Variants in UBR2 observed in about 807,000 individuals in gnomAD.
UBR2 encodes ubiquitin protein ligase E3 component n-recognin 2.
A neutral mutation model predicts 247.9 loss-of-function variants in UBR2; 92 were observed. The ratio of observed to expected loss-of-function variants is 0.37; its 90% CI spans 0.31 to 0.44. The LOEUF (loss-of-function observed/expected upper bound fraction) is 0.44, where lower values mean the gene tolerates loss of function less well. UBR2 is among the 20% of genes least tolerant of loss of function. The probability of loss-of-function intolerance (pLI) is 1.00; values close to 1 mark genes in which losing one functional copy is unlikely to be tolerated. For missense variants in UBR2, 1,613 were observed against 2,112.6 expected, an observed-to-expected ratio of 0.76 and a Z score of 4.64; for synonymous variants, 672 against 693.5, an observed-to-expected ratio of 0.97 and a Z score of 0.49.
chr6:42,682,952 G>T, intron 42 of UBR2, 103 bp from the exon 43 acceptor site: 1 of 935,148 alleles, frequency 1.1e-6, no homozygotes, highest in Non-Finnish European at 1.6e-6. Context: ...AATATGTTAG[G>T]TCAAGAATAT....
At position 42,640,864 on chromosome 6, in the gene UBR2, G is replaced by C. The variant is rs143665167; in HGVS notation, c.1920+594G>C. ...CCTGCCTCAGCCTCCCAAGAAGCTG[G>C]AATACAGGTGCCTGCCACCACTCCC... On this transcript the variant is annotated intron_variant, in intron 16 of 46. Transcript: ENST00000372901. Among the ~76,000 whole-genome samples the C allele has an allele frequency of 6.1e-4, 92 of 151,844 alleles. 1 individual carries two copies. The East Asian group carries it at 0.017, about 28-fold the overall frequency.
At chr6:42,582,374 C>G (rs1268403658) in intron 2 of UBR2, among the ~76,000 whole-genome samples, 2 of 149,834 alleles carry the variant, frequency 1.3e-5, no homozygotes, top group East Asian at 3.9e-4. Context: ...TGTAATAATA[C>G]AGTGAATACT....
intron 7 of UBR2, 109 bp from the exon 8 acceptor site, chr6:42,612,062 T>C (rs1794126616): frequency 1.0e-6 from 1 of 1,004,884 alleles, no homozygotes; most frequent in African/African-American, 1.7e-5. Flanking sequence ...CATGAAAAAG[T>C]CTCCTATGAT....
Position 42,689,434 on chromosome 6 carries a change from C to T in UBR2, c.5025-135C>T. On this transcript the variant is annotated intron_variant, in intron 45 of 46. Coordinates refer to ENST00000372901, the MANE Select transcript of UBR2 (RefSeq NM_001363705.2). This position sits in a 1 kb window ranked among gnomAD's most constrained non-coding sequence, Gnocchi z 4.0. ...TTCAACCTATTTCCTAGTTTGTGCA[C>T]AATTTTTTAATGGATAACTTCCTCC... is the stretch of plus-strand genomic sequence containing the variant. 1.1e-6 allele frequency: 1 copy of T among 888,716 alleles called. No homozygotes were observed. 55.1% of individuals were successfully genotyped at this position (888,716 alleles called of 1,614,324 possible).
At chr6:42,666,053 G>T in intron 33 of UBR2, 114 bp from the exon 34 acceptor site, 2 of 833,696 alleles carry the variant, frequency 2.4e-6, no homozygotes, top group South Asian at 4.3e-5. Flanking sequence ...TGTTATGCCA[G>T]TTTTTATTAG....
intron 4 of UBR2, among the ~76,000 whole-genome samples, chr6:42,601,031 G>A (rs1407834187): frequency 6.6e-6 from 1 of 152,166 alleles, no homozygotes; most frequent in Non-Finnish European, 1.5e-5. Context: ...TTGTAAAATA[G>A]AGTTTGGAAA....
intron 4 of UBR2, among the ~76,000 whole-genome samples, chr6:42,597,102 G>A (rs536358652): frequency 6.6e-6 from 1 of 152,068 alleles, no homozygotes; most frequent in Non-Finnish European, 1.5e-5. Flanking sequence ...GCCTACATTT[G>A]CTCTGTTGGC....
chr6:42,664,662 G>T (rs565375595), intron 32 of UBR2, among the ~76,000 whole-genome samples: 1 of 152,166 alleles, frequency 6.6e-6, no homozygotes, highest in Non-Finnish European at 1.5e-5. Flanking sequence ...AAAGAATATC[G>T]TGGTACTGAC....
At chr6:42,623,007 T>C (rs1195610900) in intron 11 of UBR2, among the ~76,000 whole-genome samples, 2 of 152,134 alleles carry the variant, frequency 1.3e-5, no homozygotes, top group East Asian at 1.9e-4. Context: ...TACATAATCA[T>C]ATCACTTGTC....
chr6:42,624,793 G>T (rs1795231192), intron 11 of UBR2, among the ~76,000 whole-genome samples: 1 of 152,136 alleles, frequency 6.6e-6, no homozygotes, highest in Admixed American at 6.5e-5. Flanking sequence ...TCTCAAAAAG[G>T]CCACTCTTAG....
intron 38 of UBR2, among the ~76,000 whole-genome samples, chr6:42,674,490 G>C (rs1379664687): frequency 6.6e-6 from 1 of 152,144 alleles, no homozygotes; most frequent in African/African-American, 2.4e-5. Flanking sequence ...CGGGTCAGGT[G>C]TGGTGACTCA....
At position 42,676,885 on chromosome 6, in the gene UBR2, A is replaced by G. The variant is rs2038261; in HGVS notation, c.4478+12A>G. On this transcript the variant is annotated intron_variant, in intron 40 of 46. Transcript: ENST00000372901. ...CAGTATACGGGAAGGTGAGTTAGTT[A>G]TCTTTACATAACGCATTTCCCTAAA... 0.4 allele frequency: 636,255 copies of G among 1,599,176 alleles called. 127,849 individuals carry two copies. Among genetic ancestry groups the G allele is most frequent in the African/African-American group, 0.49 (36,372 of 74,660 alleles).
chr6:42,611,065 C>T (rs1272447189), intron 7 of UBR2, among the ~76,000 whole-genome samples: 9 of 148,846 alleles, frequency 6.0e-5, no homozygotes, highest in South Asian at 2.2e-4. Flanking sequence ...AGGCTGGTCT[C>T]GAACTCCTGA....
chr6:42,636,951 T>C (rs1796136825), intron 14 of UBR2, 60 bp from the exon 15 acceptor site: 1 of 1,543,108 alleles, frequency 6.5e-7, no homozygotes, highest in Non-Finnish European at 8.8e-7. Context: ...TTAAGGTGCT[T>C]ATTCAATGTT....
rs766789700 is a variant in UBR2, at chr6:42,616,068, T to C, written c.1160T>C (p.Leu387Pro). 6.2e-7 allele frequency: 1 copy of C among 1,607,780 alleles called. No homozygotes were observed. Among genetic ancestry groups the C allele is most frequent in the South Asian group, 1.1e-5 (1 of 89,502 alleles). Residue 387 changes from leucine (L) to proline (P), a missense_variant, in exon 10 of 47, where the codon CTA becomes CCA. Coordinates refer to ENST00000372901, the MANE Select transcript of UBR2 (RefSeq NM_001363705.2). ...CTTATGGATTTGAAATACAAGAAAC[T>C]ATTTGCTGTTCGATTTGCAAAAGTA... ...SLLMDLKYKK[L>P]FAVRFAKNYE...
intron 7 of UBR2, 75 bp downstream of exon 7, chr6:42,606,726 C>T: frequency 7.9e-7 from 1 of 1,270,138 alleles, no homozygotes; most frequent in African/African-American, 1.5e-5. Context: ...CATTTATGAA[C>T]ATGTCTTTCT....
intron 42 of UBR2, among the ~76,000 whole-genome samples, chr6:42,680,911 C>T (rs1446476441): frequency 1.3e-5 from 2 of 151,634 alleles, no homozygotes; most frequent in African/African-American, 4.8e-5. Context: ...GCCTGTAATC[C>T]GCAGCACTTT....
chr6:42,595,587 A>T (rs1006149302), intron 4 of UBR2, among the ~76,000 whole-genome samples: 1 of 152,152 alleles, frequency 6.6e-6, no homozygotes, highest in African/African-American at 2.4e-5. Flanking sequence ...CCTACAAAAA[A>T]TACAAAAATT....
intron 21 of UBR2, among the ~76,000 whole-genome samples, chr6:42,646,914 C>T (rs1252117805): frequency 2.0e-5 from 3 of 151,862 alleles, no homozygotes; most frequent in African/African-American, 7.3e-5. Flanking sequence ...CTCTGCCTCC[C>T]GAGTTCAAGC....
Sources: gnomAD v4.1 joint callset for allele counts (sites outside exome capture counted in the v4.1 genomes callset) on GRCh38, gnomAD v4.1.1 for gene constraint, Gnocchi (gnomAD v3.1) non-coding constraint, MANE v1.5 for transcripts, NCBI Gene and HGNC (gene_info 2026-07-23, HGNC 2026-07-21) for gene names.